The following WDTC1 variants were observed in gnomAD, a reference collection of about 807,000 sequenced individuals.
WDTC1 encodes WD and tetratricopeptide repeats 1, also known as WD and tetratricopeptide repeats protein 1.
WDTC1 carries 12 observed loss-of-function variants against 76.0 expected under a neutral mutation model. The observed-to-expected ratio is 0.16, with a 90% CI of 0.10 to 0.26. The LOEUF (loss-of-function observed/expected upper bound fraction) is 0.26. WDTC1 is among the 10% of genes least tolerant of loss of function. The probability of loss-of-function intolerance (pLI) is 1.00; values close to 1 mark genes in which losing one functional copy is unlikely to be tolerated. For missense variants in WDTC1, 511 were observed against 908.8 expected (o/e 0.56, Z 5.63); for synonymous variants, 326 against 350.8 (o/e 0.93, Z 0.79).
intron 6 of WDTC1, among the ~76,000 whole-genome samples, chr1:27,289,013 C>T (rs1457846417): frequency 2.0e-4 from 29 of 143,378 alleles, no homozygotes; most frequent in Non-Finnish European, 4.6e-5. Flanking sequence ...CCGGACGGGG[C>T]GGCTGGCTGG....
intron 1 of WDTC1, among the ~76,000 whole-genome samples, chr1:27,258,544 A>AG (rs2012363550): frequency 1.3e-5 from 2 of 150,220 alleles, no homozygotes; most frequent in African/African-American, 2.4e-5. Context: ...AAAAAAAAGA[A>AG]AAAAAAAGAA....
chr1:27,276,709 A>AG (rs1278479451), intron 3 of WDTC1, among the ~76,000 whole-genome samples: 2 of 150,494 alleles, frequency 1.3e-5, no homozygotes, highest in Non-Finnish European at 3.0e-5. Flanking sequence ...AAAAAAGAAA[A>AG]GAAAAAAAAA....
chr1:27,304,875 C>G, intron 14 of WDTC1, 126 bp from the exon 15 acceptor site: 1 of 970,476 alleles, frequency 1.0e-6, no homozygotes, highest in Non-Finnish European at 1.5e-6. Context: ...AGTGCACACC[C>G]CAGCGTGTGG....
intron 1 of WDTC1, among the ~76,000 whole-genome samples, chr1:27,260,277 T>C (rs1428782194): frequency 6.6e-6 from 1 of 152,078 alleles, no homozygotes; most frequent in Non-Finnish European, 1.5e-5. Context: ...GCTAATTTTT[T>C]TGTATTTTTA....
intron 3 of WDTC1, among the ~76,000 whole-genome samples, chr1:27,281,576 T>A (rs537149463): frequency 6.6e-6 from 1 of 152,154 alleles, no homozygotes; most frequent in South Asian, 2.1e-4. Context: ...TTCAGACATA[T>A]CTCTTTTTCT....
chr1:27,299,692 G>A (rs1201248101), intron 12 of WDTC1, among the ~76,000 whole-genome samples: 2 of 152,108 alleles, frequency 1.3e-5, no homozygotes, highest in African/African-American at 4.8e-5. Flanking sequence ...GAGCGGTGAC[G>A]TTGGCCTCGA....
chr1:27,242,499 C>T (rs1008222917), intron 1 of WDTC1, among the ~76,000 whole-genome samples: 1 of 151,316 alleles, frequency 6.6e-6, no homozygotes, highest in Non-Finnish European at 1.5e-5. Context: ...GACGGAGTTT[C>T]GCTCCTGTCG....
chr1:27,266,983 C>T (rs2012695601), intron 3 of WDTC1, among the ~76,000 whole-genome samples: 1 of 152,132 alleles, frequency 6.6e-6, no homozygotes, highest in Non-Finnish European at 1.5e-5. Context: ...CAATAAAAAC[C>T]TGTTGGTGTG....
At chr1:27,269,481 G>T (rs1272470607) in intron 3 of WDTC1, among the ~76,000 whole-genome samples, 4 of 151,832 alleles carry the variant, frequency 2.6e-5, no homozygotes, top group Non-Finnish European at 5.9e-5. Flanking sequence ...GGTTGGTGAG[G>T]TAAGTGTGGA....
At chr1:27,272,981 A>G (rs1570962216) in intron 3 of WDTC1, among the ~76,000 whole-genome samples, 1 of 152,296 alleles carries the variant, frequency 6.6e-6, no homozygotes, top group East Asian at 1.9e-4. Flanking sequence ...CGCAAAGGTA[A>G]TTTAGAAGCA....
chr1:27,297,075 A>T lies in WDTC1; in HGVS notation c.977A>T (p.Asn326Ile). Residue 326 changes from asparagine (N) to isoleucine (I), a missense_variant, in exon 11 of 16, where the codon AAC becomes ATC. Asn to Ile is a moderately radical substitution (Grantham distance 149). Coordinates refer to ENST00000319394, the MANE Select transcript of WDTC1 (RefSeq NM_001276252.2). The stretch of plus-strand genomic sequence containing the variant: ...GTCCAGAATGGCAAGATGTCCACCA[A>T]CGGTGTGTCCAACGGTGTGTCCAAT... ...GEVQNGKMST[N>I]GVSNGVSNGL... 1 of 1,613,940 alleles carries T rather than the reference A, an allele frequency of 6.2e-7. No homozygotes were observed. Among genetic ancestry groups the T allele is most frequent in the African/African-American group, 1.3e-5 (1 of 75,012 alleles).
chr1:27,253,310 C>T (rs904264766), intron 1 of WDTC1, among the ~76,000 whole-genome samples: 26 of 151,702 alleles, frequency 1.7e-4, no homozygotes, highest in Admixed American at 7.9e-4. Context: ...CCACTGCGCC[C>T]GGCCGGCCTC....
At chr1:27,291,122 G>C (rs1477237253) in intron 6 of WDTC1, among the ~76,000 whole-genome samples, 3 of 152,198 alleles carry the variant, frequency 2.0e-5, no homozygotes, top group African/African-American at 7.2e-5. Flanking sequence ...ACATAAGCTG[G>C]GCCTTCCAGA....
chr1:27,263,117 A>G, intron 2 of WDTC1, 35 bp from the exon 3 acceptor site: 4 of 1,599,344 alleles, frequency 2.5e-6, no homozygotes, highest in East Asian at 2.2e-5. Context: ...ATTTAATTGA[A>G]TCAATGAAAT....
intron 1 of WDTC1, among the ~76,000 whole-genome samples, chr1:27,237,762 A>G (rs574703880): frequency 1.7e-4 from 26 of 151,904 alleles, no homozygotes; most frequent in African/African-American, 5.5e-4. Context: ...TTTTCCTACT[A>G]AGGCAGGAAA....
intron 12 of WDTC1, among the ~76,000 whole-genome samples, chr1:27,299,973 C>A (rs953235523): frequency 2.0e-5 from 3 of 152,208 alleles, no homozygotes; most frequent in African/African-American, 7.2e-5. Context: ...GTCTGGCTCT[C>A]CCCAGGAGCT....
chr1:27,237,630 A>G (rs2011517309), intron 1 of WDTC1, among the ~76,000 whole-genome samples: 2 of 152,070 alleles, frequency 1.3e-5, no homozygotes, highest in African/African-American at 4.8e-5. Flanking sequence ...TGGGCAGATC[A>G]CGAGGTCAGG....
chr1:27,283,226 T>C, intron 4 of WDTC1, 112 bp from the exon 5 acceptor site: 1 of 869,126 alleles, frequency 1.2e-6, no homozygotes, highest in Non-Finnish European at 1.8e-6. Flanking sequence ...TTCTGTGACA[T>C]TTACTGTTCT....
intron 6 of WDTC1, among the ~76,000 whole-genome samples, chr1:27,289,585 C>T (rs1323507331): frequency 1.3e-5 from 2 of 152,324 alleles, no homozygotes; most frequent in South Asian, 2.1e-4. Flanking sequence ...GACGGGATGG[C>T]GGCCAGGCAG....
Sources: gnomAD v4.1 joint callset for allele counts (sites outside exome capture counted in the v4.1 genomes callset) on GRCh38, gnomAD v4.1.1 for gene constraint, MANE v1.5 for transcripts, NCBI Gene and HGNC (gene_info 2026-07-23, HGNC 2026-07-21) for gene names.